Variants in CERK observed in about 807,000 individuals in gnomAD.
The protein encoded by CERK is ceramide kinase, also known as acylsphingosine kinase.
Under a neutral mutation model 63.4 loss-of-function variants are expected in CERK, and 39 were observed. The ratio of observed to expected loss-of-function variants is 0.61; its 90% confidence interval spans 0.48 to 0.80. The LOEUF is 0.80. CERK is among the 30% of genes least tolerant of loss of function. CERK has a pLI of 0.00. For missense variants in CERK, 670 were observed against 714.1 expected, an observed-to-expected ratio of 0.94 and a Z score of 0.70; for synonymous variants, 302 against 280.0, an observed-to-expected ratio of 1.08 and a Z score of -0.78.
chr22:46,699,975 G>GC (rs1483889951), intron 7 of CERK, among the ~76,000 whole-genome samples: 1 of 152,156 alleles, frequency 6.6e-6, no homozygotes, highest in Non-Finnish European at 1.5e-5. Flanking sequence ...TGAAATCCCA[G>GC]CTAGTGGCGA....
At chr22:46,689,963 G>C in intron 12 of CERK, 29 bp downstream of exon 12, 1 of 1,552,324 alleles carries the variant, frequency 6.4e-7, no homozygotes, top group Non-Finnish European at 8.7e-7. Flanking sequence ...AGGGGATGGC[G>C]CTGGTGGCTG....
rs1267997125 is a variant in CERK at position 46,695,273 on chromosome 22, A to G, written c.986T>C (p.Val329Ala). The G allele has an allele frequency of 1.9e-6, 3 of 1,612,728 alleles. No homozygotes were observed. Among genetic ancestry groups the G allele is most frequent in the Non-Finnish European group, 2.5e-6 (3 of 1,178,696 alleles). Residue 329 changes from valine to alanine, a missense_variant, in exon 9 of 13, where the codon GTG becomes GCG. Physicochemically the swap from Val to Ala is moderately conservative, Grantham distance 64. Coordinates refer to ENST00000216264, the MANE Select transcript of CERK (RefSeq NM_022766.6). ...FLSHHCYEGT[V>A]SFLPAQHTVG... is the part of the protein sequence containing the mutation. Reference sequence around the variant, plus strand: ...CGTGTGTTGTGCAGGGAGGAAGGACACTGTCCCTTCATAGCAGTGGTGGGA... The same window carrying G: ...CGTGTGTTGTGCAGGGAGGAAGGACGCTGTCCCTTCATAGCAGTGGTGGGA...
intron 3 of CERK, among the ~76,000 whole-genome samples, chr22:46,717,191 G>A (rs907036620): frequency 6.6e-6 from 1 of 152,188 alleles, no homozygotes; most frequent in African/African-American, 2.4e-5. Flanking sequence ...CAGAACTCCC[G>A]AACCCTGAGG....
chr22:46,686,991 A>G lies in CERK; in HGVS notation c.*143T>C. On this transcript the variant is annotated 3_prime_UTR_variant, in exon 13 of 13. Coordinates refer to ENST00000216264, the MANE Select transcript of CERK (RefSeq NM_022766.6). ...CAAATATGTACACAAAATTGTTGAC[A>G]AAAGGGTTTTCTTCTAAAATCAAGA... 1.3e-6 allele frequency: 1 copy of G among 760,280 alleles called. No homozygotes were observed. Among genetic ancestry groups the G allele is most frequent in the Non-Finnish European group, 2.1e-6 (1 of 479,300 alleles). The allele number at this position is 760,280 out of a possible 1,614,324, so 47.1% of individuals were successfully genotyped here.
chr22:46,691,045 GTATA>G (rs1467629454), intron 11 of CERK, among the ~76,000 whole-genome samples: 4 of 95,842 alleles, frequency 4.2e-5, no homozygotes, highest in South Asian at 6.7e-4. Flanking sequence ...ACACACACAT[GTATA>G]CATACATACA....
chr22:46,688,015 G>C lies in CERK; in HGVS notation c.1542-809C>G, dbSNP rs189379608. Among the ~76,000 whole-genome samples the C allele has an allele frequency of 5.4e-3, 819 of 152,242 alleles. 9 individuals carry two copies. The highest frequency in any genetic ancestry group is 0.019 in the African/African-American group (790 of 41,528). On this transcript the variant is annotated intron_variant, in intron 12 of 12. Transcript: ENST00000216264. ...AGTTTGAGACCAGCCTGGCCAACAT[G>C]GTGAAACCCCGTCTCTACTAAAAAT...
chr22:46,713,833 T>C (rs147387136), intron 3 of CERK, among the ~76,000 whole-genome samples: 211 of 152,222 alleles, frequency 1.4e-3, no homozygotes, highest in Non-Finnish European at 2.3e-3. Context: ...AAGTCATTGA[T>C]TGAAACTTAG....
intron 7 of CERK, among the ~76,000 whole-genome samples, 154 bp from the exon 8 acceptor site, chr22:46,699,619 G>C (rs1455386744): frequency 6.6e-6 from 1 of 152,178 alleles, no homozygotes; most frequent in Non-Finnish European, 1.5e-5. Context: ...CTCTCTCTTG[G>C]GGTGTTGGAT....
At chr22:46,728,195 C>T (rs12329934) in intron 1 of CERK, among the ~76,000 whole-genome samples, 4,783 of 152,194 alleles carry the variant, frequency 0.031, 222 homozygotes, top group African/African-American at 0.1. Context: ...GCTGTCAGGT[C>T]GCGGGAAACC....
At chr22:46,692,287 G>A (rs905013325) in intron 10 of CERK, among the ~76,000 whole-genome samples, 36 of 151,800 alleles carry the variant, frequency 2.4e-4, no homozygotes, top group Non-Finnish European at 4.9e-4. Flanking sequence ...TTAGCCAGGC[G>A]TGGCGGTGCA....
chr22:46,697,440 C>A lies in CERK; in HGVS notation c.943+1873G>T, dbSNP rs182614064. Among the ~76,000 whole-genome samples the A allele has an allele frequency of 2.6e-5, 4 of 151,862 alleles. No individual in the cohort carries two copies. The East Asian group carries it at 7.8e-4, about 29-fold the overall frequency. ...CTCAGCATCCCGAGTAACTGGGGTGCCCGGCTAATTTTGTTTTTAATTTCT... is the reference window on the plus strand; with the variant it reads ...CTCAGCATCCCGAGTAACTGGGGTGACCGGCTAATTTTGTTTTTAATTTCT... On this transcript the variant is annotated intron_variant, in intron 8 of 12. Coordinates refer to ENST00000216264, the MANE Select transcript of CERK (RefSeq NM_022766.6).
intron 3 of CERK, 112 bp downstream of exon 3, chr22:46,719,974 C>T (rs973609846): frequency 7.1e-7 from 1 of 1,414,346 alleles, no homozygotes; most frequent in Non-Finnish European, 9.6e-7. Context: ...ATCATGTCCA[C>T]CTGGGGTATG....
chr22:46,733,439 G>A (rs1170125820), intron 1 of CERK, among the ~76,000 whole-genome samples: 3 of 150,606 alleles, frequency 2.0e-5, no homozygotes, highest in East Asian at 2.0e-4. Context: ...GATTATAGGC[G>A]CACGCCAACA....
intron 3 of CERK, among the ~76,000 whole-genome samples, chr22:46,713,643 C>T (rs1371301105): frequency 1.3e-5 from 2 of 152,024 alleles, no homozygotes; most frequent in East Asian, 3.8e-4. Context: ...AGACGCAGTC[C>T]ACACATCAAC....
At chr22:46,737,834 GGCCCCGGCCTCCCTCCCGCCT>G (rs1025241414) in intron 1 of CERK, among the ~76,000 whole-genome samples, 152 bp downstream of exon 1, 3 of 151,988 alleles carry the variant, frequency 2.0e-5, no homozygotes, top group African/African-American at 7.2e-5. Flanking sequence ...CCCGGCCCCT[GGCCCCGGCCTCCCTCCCGCCT>G]GCCCCGACCC....
At chr22:46,736,418 C>A (rs1285119254) in intron 1 of CERK, among the ~76,000 whole-genome samples, 1 of 152,250 alleles carries the variant, frequency 6.6e-6, no homozygotes, top group African/African-American at 2.4e-5. Flanking sequence ...TCACTTCCAG[C>A]CCCTGCAGAT....
Position 46,687,036 on chromosome 22 carries a change from T to C in CERK, c.*98A>G, listed in dbSNP as rs2082705030. 1.0e-6 allele frequency: 1 copy of C among 962,330 alleles called. No individual in the cohort carries two copies. The highest frequency in any genetic ancestry group is 1.7e-5 in the African/African-American group (1 of 59,684). 59.6% of individuals were successfully genotyped at this position (962,330 alleles called of 1,614,324 possible). ...TCAAGATTTAACTATCAAAAATAAA[T>C]TTCTACATTTAAATGTATATATCAA... On this transcript the variant is annotated 3_prime_UTR_variant, in exon 13 of 13. Transcript: ENST00000216264.
At chr22:46,712,543 G>C (rs967189613) in intron 3 of CERK, among the ~76,000 whole-genome samples, 1 of 152,126 alleles carries the variant, frequency 6.6e-6, no homozygotes, top group Non-Finnish European at 1.5e-5. Context: ...CACGAACTCA[G>C]AATTCCGACT....
chr22:46,702,995 G>A (rs545740403), intron 6 of CERK, among the ~76,000 whole-genome samples: 1 of 152,250 alleles, frequency 6.6e-6, no homozygotes, highest in Non-Finnish European at 1.5e-5. Context: ...CGAGAAGGAC[G>A]GGGCTCCAGG....
Sources: gnomAD v4.1 joint callset for allele counts (sites outside exome capture counted in the v4.1 genomes callset) on GRCh38, gnomAD v4.1.1 for gene constraint, MANE v1.5 for transcripts, NCBI Gene and HGNC (gene_info 2026-07-23, HGNC 2026-07-21) for gene names.